GABRG3: variants seen among roughly 807,000 people sequenced by gnomAD.
The protein encoded by GABRG3 is gamma-aminobutyric acid type A receptor subunit gamma3.
GABRG3 carries 25 observed loss-of-function variants against 48.8 expected under a neutral mutation model. The observed-to-expected ratio is 0.51, with a 90% CI of 0.37 to 0.72. GABRG3 has a LOEUF of 0.72. GABRG3 is among the 30% of genes least tolerant of loss of function. The pLI is 0.00. For synonymous variants in GABRG3, 227 were observed against 217.6 expected (o/e 1.04, Z -0.38); for missense variants, 394 against 577.9 (o/e 0.68, Z 3.26).
chr15:27,153,779 G>A (rs1898366944), intron 3 of GABRG3, among the ~76,000 whole-genome samples: 1 of 152,038 alleles, frequency 6.6e-6, no homozygotes, highest in African/African-American at 2.4e-5. Flanking sequence ...ATCTGTTCTA[G>A]TGTGTTGTGT....
chr15:27,520,363 A>G (rs944005433), intron 7 of GABRG3, among the ~76,000 whole-genome samples: 5 of 152,118 alleles, frequency 3.3e-5, no homozygotes, highest in Middle Eastern at 6.8e-3. Context: ...ATCCATTGTG[A>G]TAGTATCCTG....
In GABRG3 at chr15:27,236,892, C is replaced by T. The variant is rs866722293; in HGVS notation, c.271-89917C>T. ...TATTGAATATACGTATCCATCCCCC[C>T]ACTCAGCAGACATTCCTGCTCCCTT... On this transcript the variant is annotated intron_variant, in intron 3 of 9. Coordinates refer to ENST00000615808, the MANE Select transcript of GABRG3 (RefSeq NM_033223.5). This position sits in a 1 kb window ranked among gnomAD's most constrained non-coding sequence, Gnocchi z 4.4. Among the ~76,000 whole-genome samples, 1 of 152,230 alleles carries T rather than the reference C, an allele frequency of 6.6e-6. No homozygotes were observed. The highest frequency in any genetic ancestry group is 1.5e-5 in the Non-Finnish European group (1 of 68,040).
chr15:27,351,053 GGTGT>G (rs199877040), intron 5 of GABRG3, among the ~76,000 whole-genome samples: 2 of 149,212 alleles, frequency 1.3e-5, no homozygotes, highest in Middle Eastern at 3.6e-3. Context: ...ATGTGCATAT[GGTGT>G]GTGTGTGTGT....
intron 7 of GABRG3, among the ~76,000 whole-genome samples, chr15:27,527,126 T>C (rs1424679699): frequency 6.6e-6 from 1 of 152,192 alleles, no homozygotes; most frequent in Non-Finnish European, 1.5e-5. Context: ...ACGGAACATA[T>C]AGGACTGCCA....
At chr15:27,340,197 G>A (rs909737452) in intron 5 of GABRG3, among the ~76,000 whole-genome samples, 4 of 152,258 alleles carry the variant, frequency 2.6e-5, no homozygotes, top group African/African-American at 4.8e-5. Flanking sequence ...CTCAGAAAGC[G>A]TACAACCATG....
chr15:27,068,104 C>T (rs915662365), intron 3 of GABRG3, among the ~76,000 whole-genome samples: 6 of 152,204 alleles, frequency 3.9e-5, no homozygotes, highest in African/African-American at 1.4e-4. Flanking sequence ...TGCTGCAGAG[C>T]TGCACCCATG....
chr15:27,110,169 A>T (rs1897521939), intron 3 of GABRG3, among the ~76,000 whole-genome samples: 1 of 151,912 alleles, frequency 6.6e-6, no homozygotes, highest in Admixed American at 6.6e-5. Flanking sequence ...TTTTTTAAGC[A>T]TATCATTTAT....
intron 6 of GABRG3, among the ~76,000 whole-genome samples, chr15:27,484,286 T>C (rs950534924): frequency 6.6e-6 from 1 of 152,142 alleles, no homozygotes; most frequent in African/African-American, 2.4e-5. Context: ...TATCTACCAA[T>C]TGCAATAAGT....
intron 3 of GABRG3, among the ~76,000 whole-genome samples, chr15:27,134,663 T>C (rs749193953): frequency 2.6e-5 from 4 of 152,136 alleles, no homozygotes; most frequent in Non-Finnish European, 5.9e-5. Context: ...CAGGTGCACG[T>C]TGTCATGGTT....
chr15:27,252,959 T>C (rs1890506316), intron 3 of GABRG3, among the ~76,000 whole-genome samples: 1 of 152,242 alleles, frequency 6.6e-6, no homozygotes, highest in African/African-American at 2.4e-5. Flanking sequence ...TCCATTTGCT[T>C]TGACCAAAAA....
At chr15:27,120,747 G>T (rs1302103339) in intron 3 of GABRG3, among the ~76,000 whole-genome samples, 1 of 152,022 alleles carries the variant, frequency 6.6e-6, no homozygotes, top group Non-Finnish European at 1.5e-5. Flanking sequence ...TCACAAGGTT[G>T]ACTTACAGGA....
At chr15:27,483,250 CCT>C (rs1168960054) in intron 6 of GABRG3, 1 of 152,146 alleles carries the variant, frequency 6.6e-6, no homozygotes, top group Non-Finnish European at 1.5e-5. Context: ...CTGCTCCAGG[CCT>C]CTCTCGTCGG....
Position 27,131,744 on chromosome 15 carries a change from A to G in GABRG3, c.270+104923A>G, listed in dbSNP as rs80100909. Reference sequence around the variant, plus strand: ...CCATACTGTTTTCTGTTATACCTGTACTAATTTACATTTCTACCTCATCAG... The same window carrying G: ...CCATACTGTTTTCTGTTATACCTGTGCTAATTTACATTTCTACCTCATCAG... On this transcript the variant is annotated intron_variant, in intron 3 of 9. Coordinates refer to ENST00000615808, the MANE Select transcript of GABRG3 (RefSeq NM_033223.5). 7.5e-3 allele frequency among the ~76,000 whole-genome samples: 1,134 copies of G among 152,110 alleles called. 10 individuals carry two copies. Among genetic ancestry groups the G allele is most frequent in the African/African-American group, 0.023 (955 of 41,526 alleles).
intron 7 of GABRG3, among the ~76,000 whole-genome samples, chr15:27,524,126 G>A (rs1393019007): frequency 1.3e-5 from 2 of 152,034 alleles, no homozygotes; most frequent in African/African-American, 4.8e-5. Flanking sequence ...AAATTATTAA[G>A]AGTAGCAAAG....
chr15:27,344,049 T>C (rs1894280800), intron 5 of GABRG3, among the ~76,000 whole-genome samples: 1 of 152,196 alleles, frequency 6.6e-6, no homozygotes, highest in Admixed American at 6.5e-5. Flanking sequence ...GATGCTTGCA[T>C]AAAAAGGAGG....
intron 5 of GABRG3, among the ~76,000 whole-genome samples, chr15:27,435,484 G>A (rs1352760224): frequency 6.6e-6 from 1 of 152,096 alleles, no homozygotes; most frequent in Non-Finnish European, 1.5e-5. Context: ...CACAGCCATG[G>A]TGCACTGACC....
intron 5 of GABRG3, among the ~76,000 whole-genome samples, chr15:27,477,492 G>A (rs562602502): frequency 1.3e-5 from 2 of 152,226 alleles, no homozygotes; most frequent in African/African-American, 4.8e-5. Flanking sequence ...ATACTGCAGT[G>A]GTGGATACAT....
chr15:27,238,415 C>G (rs752407789), intron 3 of GABRG3, among the ~76,000 whole-genome samples: 56 of 152,346 alleles, frequency 3.7e-4, no homozygotes, highest in Non-Finnish European at 7.6e-4. Context: ...CGCAGTGCGT[C>G]ATCACTGCAG....
chr15:27,143,742 A>C (rs537708048), intron 3 of GABRG3, among the ~76,000 whole-genome samples: 37 of 152,300 alleles, frequency 2.4e-4, no homozygotes, highest in African/African-American at 8.4e-4. Context: ...TATATGATTC[A>C]CTTTGAAATG....
Sources: allele counts gnomAD v4.1 joint callset (sites outside exome capture counted in the v4.1 genomes callset), GRCh38; gene constraint gnomAD v4.1.1; non-coding constraint Gnocchi (gnomAD v3.1); transcripts MANE v1.5; gene names NCBI Gene and HGNC (gene_info 2026-07-23, HGNC 2026-07-21).